The following PDPN variants were observed in gnomAD, a reference collection of about 807,000 sequenced individuals.
PDPN encodes PA2.26 antigen.
Under a neutral mutation model 23.2 loss-of-function variants are expected in PDPN, and 12 were observed. That is an observed-to-expected ratio of 0.52 (90% CI 0.33 to 0.84). PDPN has a LOEUF of 0.84. Among genes scored for constraint, PDPN ranks in the 40% least tolerant of loss-of-function variants. The pLI is 0.02. For synonymous variants in PDPN, 77 were observed against 76.7 expected (o/e 1.00, Z -0.02); for missense variants, 199 against 212.2 (o/e 0.94, Z 0.39).
At chr1:13,587,841 C>A (rs1443061341) in intron 1 of PDPN, among the ~76,000 whole-genome samples, 1 of 152,202 alleles carries the variant, frequency 6.6e-6, no homozygotes, top group East Asian at 1.9e-4. Flanking sequence ...CTGTTTCCTT[C>A]CCACATGTCT....
Position 13,591,175 on chromosome 1 carries a change from C to T in PDPN, c.67+7075C>T, listed in dbSNP as rs181167064. Among the ~76,000 whole-genome samples the T allele has an allele frequency of 2.3e-4, 35 of 152,064 alleles. No individual in the cohort carries two copies. The East Asian group carries it at 2.5e-3, about 11-fold the overall frequency. On this transcript the variant is annotated intron_variant, in intron 1 of 5. Transcript: ENST00000621990. The stretch of plus-strand genomic sequence containing the variant: ...CAGGATGGTCTCGAACTCCTGACCT[C>T]GTGATCCGCCCACCTCAGCCTCCCA...
At chr1:13,610,327 G>C in intron 2 of PDPN, 60 bp from the exon 3 acceptor site, 1 of 1,433,322 alleles carries the variant, frequency 7.0e-7, no homozygotes, top group Non-Finnish European at 9.7e-7. Flanking sequence ...TAAGGCAGGG[G>C]ATATATTTTA....
chr1:13,588,309 T>A (rs747000958), intron 1 of PDPN, among the ~76,000 whole-genome samples: 2 of 151,704 alleles, frequency 1.3e-5, no homozygotes, highest in African/African-American at 2.4e-5. Context: ...ATACACAGAG[T>A]GTAAATGGGA....
chr1:13,614,942 T>C, intron 5 of PDPN: 1 of 397,214 alleles, frequency 2.5e-6, no homozygotes, highest in Middle Eastern at 3.8e-4. Context: ...TCTGACCACA[T>C]TTGATCTCTT....
Position 13,592,380 on chromosome 1 carries a change from C to T in PDPN, c.67+8280C>T, listed in dbSNP as rs576102759. 1.9e-4 allele frequency among the ~76,000 whole-genome samples: 29 copies of T among 152,034 alleles called. 1 individual carries two copies. The South Asian group carries it at 5.2e-3, about 27-fold the overall frequency. On this transcript the variant is annotated intron_variant, in intron 1 of 5. Transcript: ENST00000621990. ...TTGGCGTCATCTAGGAAGCTGTTGC[C>T]TAGTCCAAGCTTACAGCGATTTACT...
intron 1 of PDPN, among the ~76,000 whole-genome samples, chr1:13,586,997 A>G (rs1316023688): frequency 6.6e-6 from 1 of 152,122 alleles, no homozygotes; most frequent in Non-Finnish European, 1.5e-5. Flanking sequence ...GTTGCAGTGA[A>G]CCAAGATCAC....
intron 1 of PDPN, chr1:13,585,475 A>T: frequency 7.6e-7 from 1 of 1,323,798 alleles, no homozygotes; most frequent in Non-Finnish European, 9.9e-7. Context: ...TTGGCGAGAC[A>T]ATGTGCAAAT....
chr1:13,600,948 C>T (rs780441479), intron 1 of PDPN, among the ~76,000 whole-genome samples: 3 of 152,076 alleles, frequency 2.0e-5, no homozygotes, highest in African/African-American at 4.8e-5. Context: ...GCCACCACAG[C>T]GCTGTTGTGA....
chr1:13,588,845 T>G (rs1179560424), intron 1 of PDPN, among the ~76,000 whole-genome samples: 1 of 151,302 alleles, frequency 6.6e-6, no homozygotes, highest in Non-Finnish European at 1.5e-5. Flanking sequence ...CACCCAACTG[T>G]TTTTGTATTT....
intron 1 of PDPN, among the ~76,000 whole-genome samples, chr1:13,605,908 A>G (rs1455612003): frequency 1.3e-5 from 2 of 152,112 alleles, no homozygotes; most frequent in African/African-American, 4.8e-5. Context: ...GGCGTGAGCC[A>G]CCACACCTGG....
intron 1 of PDPN, among the ~76,000 whole-genome samples, chr1:13,606,554 G>A (rs528208697): frequency 6.6e-6 from 1 of 152,178 alleles, no homozygotes; most frequent in South Asian, 2.1e-4. Flanking sequence ...TGTAGTCCCC[G>A]CTACTTTGGA....
At chr1:13,601,236 C>T (rs950202593) in intron 1 of PDPN, among the ~76,000 whole-genome samples, 3 of 152,192 alleles carry the variant, frequency 2.0e-5, no homozygotes, top group South Asian at 4.2e-4. Flanking sequence ...GAAGAGAGCA[C>T]GGATTTAGAA....
intron 1 of PDPN, among the ~76,000 whole-genome samples, chr1:13,599,161 C>T (rs1214179005): frequency 6.6e-6 from 1 of 151,638 alleles, no homozygotes; most frequent in Non-Finnish European, 1.5e-5. Context: ...CAGGTGTGCA[C>T]CACCACGCCT....
chr1:13,585,462 T>A (rs185313685), intron 1 of PDPN: 2 of 1,317,184 alleles, frequency 1.5e-6, no homozygotes, highest in Non-Finnish European at 2.0e-6. Context: ...TTACATTTCC[T>A]TTTTGGCGAG....
chr1:13,610,948 G>A (rs1370333456), intron 3 of PDPN, among the ~76,000 whole-genome samples: 1 of 152,356 alleles, frequency 6.6e-6, no homozygotes, highest in Non-Finnish European at 1.5e-5. Context: ...TCCGCCTGGC[G>A]CGGTGGCTCA....
chr1:13,598,375 G>T (rs1640552252), intron 1 of PDPN, among the ~76,000 whole-genome samples: 1 of 152,016 alleles, frequency 6.6e-6, no homozygotes, highest in Non-Finnish European at 1.5e-5. Flanking sequence ...GCCATCACCT[G>T]TCCAGTTCTT....
intron 1 of PDPN, among the ~76,000 whole-genome samples, chr1:13,595,356 G>A (rs569467564): frequency 6.6e-6 from 1 of 151,978 alleles, no homozygotes; most frequent in East Asian, 1.9e-4. Context: ...CGCTCTCATT[G>A]GCCCCTCTTC....
At chr1:13,611,033 AAC>A (rs1640921142) in intron 3 of PDPN, among the ~76,000 whole-genome samples, 1 of 151,864 alleles carries the variant, frequency 6.6e-6, no homozygotes, top group African/African-American at 2.4e-5. Context: ...CATCCTGGCT[AAC>A]ACGGTGAAAC....
chr1:13,614,624 G>T, intron 5 of PDPN: 1 of 475,596 alleles, frequency 2.1e-6, no homozygotes, highest in Non-Finnish European at 3.8e-6. Flanking sequence ...ATGTTCCAAA[G>T]TTCCTTACTT....
Sources: allele counts gnomAD v4.1 joint callset (sites outside exome capture counted in the v4.1 genomes callset), GRCh38; gene constraint gnomAD v4.1.1; transcripts MANE v1.5; gene names NCBI Gene and HGNC (gene_info 2026-07-23, HGNC 2026-07-21).